SCAPER: variants seen among roughly 807,000 people sequenced by gnomAD.
SCAPER encodes S-phase cyclin A associated protein in the ER, also known as S phase cyclin A-associated protein in the endoplasmic reticulum.
SCAPER carries 98 observed loss-of-function variants against 182.2 expected under a neutral mutation model. The observed-to-expected ratio is 0.54, with a 90% CI of 0.46 to 0.64. SCAPER has a LOEUF of 0.64. Ranked by LOEUF, SCAPER falls within the 30% of genes least tolerant of loss-of-function variation. The pLI is 0.00. For synonymous variants in SCAPER, 605 were observed against 564.6 expected (o/e 1.07, Z -1.01); for missense variants, 1,432 against 1,690.0 (o/e 0.85, Z 2.68).
chr15:76,630,542 T>C (rs1336311498), intron 21 of SCAPER, among the ~76,000 whole-genome samples: 1 of 152,240 alleles, frequency 6.6e-6, no homozygotes, highest in Non-Finnish European at 1.5e-5. Context: ...ACTTCTGCCT[T>C]AATTTCATTA....
chr15:76,359,519 ATG>A (rs1045732450), intron 29 of SCAPER, among the ~76,000 whole-genome samples: 6 of 152,352 alleles, frequency 3.9e-5, no homozygotes, highest in Non-Finnish European at 7.3e-5. Flanking sequence ...CTTACTGTGC[ATG>A]TGTGTGTTTT....
At chr15:76,491,691 G>T (rs1384552019) in intron 24 of SCAPER, among the ~76,000 whole-genome samples, 1 of 152,058 alleles carries the variant, frequency 6.6e-6, no homozygotes, top group African/African-American at 2.4e-5. Flanking sequence ...GAGTGCAGTG[G>T]TGTGACCTAA....
chr15:76,511,157 C>T (rs929718329), intron 23 of SCAPER, among the ~76,000 whole-genome samples: 2 of 152,100 alleles, frequency 1.3e-5, no homozygotes, highest in African/African-American at 2.4e-5. Flanking sequence ...TCAGTGTATA[C>T]TGCTGGGGAG....
At chr15:76,497,149 GT>G (rs1191033756) in intron 24 of SCAPER, among the ~76,000 whole-genome samples, 1 of 110,942 alleles carries the variant, frequency 9.0e-6, no homozygotes, top group East Asian at 2.9e-4. Flanking sequence ...CCTTAGTCCT[GT>G]AAAACCTGGA....
At chr15:76,394,256 G>A (rs891243012) in intron 27 of SCAPER, among the ~76,000 whole-genome samples, 1 of 152,150 alleles carries the variant, frequency 6.6e-6, no homozygotes, top group African/African-American at 2.4e-5. Context: ...AGGAGAGATG[G>A]TTTAAGCAAC....
At chr15:76,692,048 T>C (rs942790655) in intron 20 of SCAPER, among the ~76,000 whole-genome samples, 2 of 152,174 alleles carry the variant, frequency 1.3e-5, no homozygotes, top group African/African-American at 4.8e-5. Flanking sequence ...TCACTTTCCA[T>C]AGTAAAAGGC....
intron 21 of SCAPER, among the ~76,000 whole-genome samples, chr15:76,655,563 A>G (rs1179411759): frequency 6.6e-6 from 1 of 152,218 alleles, no homozygotes; most frequent in African/African-American, 2.4e-5. Context: ...ATACTACACA[A>G]GACAACTATG....
chr15:76,823,352 C>CG, intron 5 of SCAPER, among the ~76,000 whole-genome samples: 1 of 151,898 alleles, frequency 6.6e-6, no homozygotes, highest in South Asian at 2.1e-4. Flanking sequence ...CCCAGCTACT[C>CG]GGGAGGCTAA....
At position 76,885,475 on chromosome 15, in the gene SCAPER, A is replaced by ACATT. The variant is rs1477680611; in HGVS notation, c.-59-1603_-59-1600dup. On this transcript the variant is annotated intron_variant, in intron 1 of 31. Coordinates refer to ENST00000563290, the MANE Select transcript of SCAPER (RefSeq NM_020843.4). ...ACTCTCAATGAGGCCTTCCCATATA[A>ACATT]CATTCATTCATTCATTCACTCATTT... Among the ~76,000 whole-genome samples, 7 of 152,080 alleles carry ACATT rather than the reference A, an allele frequency of 4.6e-5. No individual in the cohort carries two copies. In the East Asian group the frequency reaches 1.2e-3, roughly 25 times the overall value.
chr15:76,456,655 C>A (rs1433118664), intron 25 of SCAPER, among the ~76,000 whole-genome samples: 3 of 152,066 alleles, frequency 2.0e-5, no homozygotes, highest in South Asian at 4.1e-4. Context: ...TTACTGATTT[C>A]TTTGGTCTAG....
At chr15:76,809,885 G>A (rs1368598415) in intron 5 of SCAPER, among the ~76,000 whole-genome samples, 1 of 152,230 alleles carries the variant, frequency 6.6e-6, no homozygotes, top group Middle Eastern at 3.4e-3. Context: ...ACACACAGGG[G>A]CCCCCATAAC....
chr15:76,639,991 T>A (rs1241890077), intron 21 of SCAPER, among the ~76,000 whole-genome samples: 3 of 152,216 alleles, frequency 2.0e-5, no homozygotes, highest in African/African-American at 7.2e-5. Context: ...TACATAGGCC[T>A]TGGGAATCTT....
At chr15:76,708,953 C>A (rs1191432824) in intron 17 of SCAPER, among the ~76,000 whole-genome samples, 1 of 152,008 alleles carries the variant, frequency 6.6e-6, no homozygotes, top group Non-Finnish European at 1.5e-5. Context: ...ATCATCCCAG[C>A]TACTTGGCAG....
At position 76,601,194 on chromosome 15, in the gene SCAPER, T is replaced by C. The variant is rs2049910066; in HGVS notation, c.2711+20570A>G. On this transcript the variant is annotated intron_variant, in intron 22 of 31. Transcript: ENST00000563290. Reference sequence around the variant, plus strand: ...GTGATGGATGTTGTCAAACATTTTTTCTCCATCTAATGATACGTATGTGAG... The same window carrying C: ...GTGATGGATGTTGTCAAACATTTTTCCTCCATCTAATGATACGTATGTGAG... Among the ~76,000 whole-genome samples the C allele has an allele frequency of 1.6e-5, 2 of 122,066 alleles. 1 individual carries two copies. Among genetic ancestry groups the C allele is most frequent in the Non-Finnish European group, 4.0e-5 (2 of 50,200 alleles). The allele number at this position is 122,066 out of a possible 152,430, so 80.1% of individuals were successfully genotyped here. A position where few individuals can be genotyped will look rare whatever the true frequency, so the allele number is the denominator to read the frequency against.
At chr15:76,583,313 T>C (rs887281755) in intron 22 of SCAPER, among the ~76,000 whole-genome samples, 5 of 144,758 alleles carry the variant, frequency 3.5e-5, no homozygotes, top group Non-Finnish European at 7.4e-5. Context: ...ATTGAGCCAC[T>C]GCACTCCAGC....
At chr15:76,704,356 G>A (rs927193299) in intron 18 of SCAPER, among the ~76,000 whole-genome samples, 5 of 152,136 alleles carry the variant, frequency 3.3e-5, no homozygotes, top group African/African-American at 4.8e-5. Flanking sequence ...TTTGGCTTTT[G>A]TGGCCATTGC....
At chr15:76,844,297 AG>A (rs1703843801) in intron 4 of SCAPER, among the ~76,000 whole-genome samples, 1 of 148,970 alleles carries the variant, frequency 6.7e-6, no homozygotes, top group Non-Finnish European at 1.5e-5. Flanking sequence ...AAGGCAGGCC[AG>A]GGAAAGAGGG....
At chr15:76,375,693 T>G (rs938692244) in intron 29 of SCAPER, among the ~76,000 whole-genome samples, 1 of 152,142 alleles carries the variant, frequency 6.6e-6, no homozygotes, top group Admixed American at 6.6e-5. Context: ...TCAAATCTAT[T>G]TGAAGAGGGC....
chr15:76,592,608 C>A lies in SCAPER; in HGVS notation c.2712-18324G>T, dbSNP rs1937726902. Among the ~76,000 whole-genome samples the A allele has an allele frequency of 1.6e-5, 2 of 122,670 alleles. 1 individual carries two copies. Among genetic ancestry groups the A allele is most frequent in the Non-Finnish European group, 4.0e-5 (2 of 50,356 alleles). 80.5% of individuals were successfully genotyped at this position (122,670 alleles called of 152,430 possible). On this transcript the variant is annotated intron_variant, in intron 22 of 31. Coordinates refer to ENST00000563290, the MANE Select transcript of SCAPER (RefSeq NM_020843.4). Reference sequence around the variant, plus strand: ...AGAAGGCAGGTGATTTCTGCATTTCCAACTGAGGTACCTGGCTCATCTCAC... The same window carrying A: ...AGAAGGCAGGTGATTTCTGCATTTCAAACTGAGGTACCTGGCTCATCTCAC...
Sources: allele counts gnomAD v4.1 joint callset (sites outside exome capture counted in the v4.1 genomes callset), GRCh38; gene constraint gnomAD v4.1.1; transcripts MANE v1.5; gene names NCBI Gene and HGNC (gene_info 2026-07-23, HGNC 2026-07-21).